Variants in MEDAG observed in about 807,000 individuals in gnomAD.
MEDAG encodes the protein mesenteric estrogen dependent adipogenesis.
MEDAG carries 25 observed loss-of-function variants against 29.9 expected under a neutral mutation model. The observed-to-expected ratio is 0.84, with a 90% CI of 0.61 to 1.17. The LOEUF (loss-of-function observed/expected upper bound fraction) is 1.17. Ranked by LOEUF, MEDAG falls within the 50% of genes most tolerant of loss-of-function variation. The pLI is 0.00. For synonymous variants in MEDAG, 158 were observed against 148.2 expected (o/e 1.07, Z -0.48); for missense variants, 398 against 372.9 (o/e 1.07, Z -0.56).
At chr13:30,924,162 T>G in intron 4 of MEDAG, 149 bp from the exon 5 acceptor site, 1 of 790,020 alleles carries the variant, frequency 1.3e-6, no homozygotes. Flanking sequence ...AAGCAACACA[T>G]TTCTGTTTAG....
Position 30,906,284 on chromosome 13 carries a change from G to GGT in MEDAG, c.-230_-229dup. 2.6e-6 allele frequency: 1 copy of GGT among 391,100 alleles called. No individual in the cohort carries two copies. The allele number at this position is 391,100 out of a possible 1,614,324, so 24.2% of individuals were successfully genotyped here. A position where few individuals can be genotyped will look rare whatever the true frequency, so the allele number is the denominator to read the frequency against. On this transcript the variant is annotated 5_prime_UTR_variant, in exon 1 of 5. Transcript: ENST00000380482. ...TGCGCCGGGGCCGCTTTCTCCGCGC[G>GGT]GTGCCTGCAGGGCTCCCAGCGAGTG...
chr13:30,906,427 G>A lies in MEDAG; in HGVS notation c.-89G>A. On this transcript the variant is annotated 5_prime_UTR_variant, in exon 1 of 5. Transcript: ENST00000380482. ...CGCGCGCGGCTGACGCAGGCAGGGC[G>A]CCCGGCCCCTCCTGGGGACCATCAG... 2 of 1,316,556 alleles carry A rather than the reference G, an allele frequency of 1.5e-6. No individual in the cohort carries two copies. The highest frequency in any genetic ancestry group is 2.1e-5 in the South Asian group (1 of 48,274). The allele number at this position is 1,316,556 out of a possible 1,614,324, so 81.6% of individuals were successfully genotyped here.
In MEDAG at chr13:30,906,400, C is replaced by A; in HGVS notation, c.-116C>A. On this transcript the variant is annotated 5_prime_UTR_variant, in exon 1 of 5. Coordinates refer to ENST00000380482, the MANE Select transcript of MEDAG (RefSeq NM_032849.4). ...GCGGGCAGACCGACCCCCTCCTCAC[C>A]TCGCGCGCGGCTGACGCAGGCAGGG... The A allele has an allele frequency of 8.5e-7, 1 of 1,180,680 alleles. No individual in the cohort carries two copies. Among genetic ancestry groups the A allele is most frequent in the South Asian group, 2.4e-5 (1 of 42,136 alleles). The allele number at this position is 1,180,680 out of a possible 1,614,324, so 73.1% of individuals were successfully genotyped here.
At chr13:30,906,866 G>A (rs1276489473) in intron 1 of MEDAG, 73 bp downstream of exon 1, 3 of 1,379,836 alleles carry the variant, frequency 2.2e-6, no homozygotes, top group African/African-American at 1.5e-5. Flanking sequence ...TGCGGTCTCT[G>A]GGAGCCTGGG....
In MEDAG at chr13:30,917,439, C is replaced by G. The variant is rs1184932153; in HGVS notation, c.315C>G (p.Asp105Glu). Residue 105 changes from aspartate (D) to glutamate (E), a missense_variant, in exon 2 of 5, where the codon GAC becomes GAG. Coordinates refer to ENST00000380482, the MANE Select transcript of MEDAG (RefSeq NM_032849.4). ...VELTNYCDYK[D>E]YRETILSKPM... is the part of the protein sequence containing the mutation. Reference sequence around the variant, plus strand: ...TGACCAACTACTGTGATTATAAAGACTACAGGGAAACTATATTGAGCAAAC... The same window carrying G: ...TGACCAACTACTGTGATTATAAAGAGTACAGGGAAACTATATTGAGCAAAC... 1 of 1,610,870 alleles carries G rather than the reference C, an allele frequency of 6.2e-7. No homozygotes were observed.
At position 30,921,575 on chromosome 13, in the gene MEDAG, G is replaced by A; in HGVS notation, c.516G>A (p.Glu172=). 1 of 1,605,658 alleles carries A rather than the reference G, an allele frequency of 6.2e-7. No individual in the cohort carries two copies. Among genetic ancestry groups the A allele is most frequent in the Non-Finnish European group, 8.5e-7 (1 of 1,177,198 alleles). Residue 172 remains glutamate (E), a synonymous_variant, in exon 4 of 5, where the codon GAG becomes GAA. Coordinates refer to ENST00000380482, the MANE Select transcript of MEDAG (RefSeq NM_032849.4). The part of the protein sequence containing the change: ...ESYRLQFDFQ[E]AVKNFFPPGN... ...CTCTCTTTCAGTTTGATTTTCAAGA[G>A]GCAGTGAAGAATTTCTTCCCCCCAG...
chr13:30,921,150 A>G (rs1952981281), intron 3 of MEDAG, 24 bp downstream of exon 3: 1 of 1,584,990 alleles, frequency 6.3e-7, no homozygotes, highest in Non-Finnish European at 8.6e-7. Flanking sequence ...GTCTGAATCC[A>G]GGGCTGTCAA....
Position 30,906,590 on chromosome 13 carries a change from G to A in MEDAG, c.75G>A (p.Leu25=). ...TSISSGELRS[L]WTCDCELALL... Reference sequence around the variant, plus strand: ...TCTCGTCTGGGGAGCTTCGCAGCCTGTGGACCTGCGACTGCGAGCTGGCCC... The same window carrying A: ...TCTCGTCTGGGGAGCTTCGCAGCCTATGGACCTGCGACTGCGAGCTGGCCC... The change falls in exon 1 of 5, where the codon CTG becomes CTA. Residue 25 remains leucine, a synonymous_variant. Transcript: ENST00000380482. 6.3e-6 allele frequency: 10 copies of A among 1,587,542 alleles called. No individual in the cohort carries two copies. Among genetic ancestry groups the A allele is most frequent in the Non-Finnish European group, 8.5e-6 (10 of 1,175,626 alleles).
intron 3 of MEDAG, 26 bp from the exon 4 acceptor site, chr13:30,921,535 C>A: frequency 1.9e-6 from 3 of 1,572,368 alleles, no homozygotes; most frequent in South Asian, 2.4e-5. Context: ...TCCATTAAGT[C>A]AATGCAATGT....
intron 2 of MEDAG, among the ~76,000 whole-genome samples, chr13:30,918,021 G>A (rs544720337): frequency 1.8e-4 from 28 of 152,252 alleles, no homozygotes; most frequent in African/African-American, 6.7e-4. Flanking sequence ...CCTGGTGGGT[G>A]AGGCCACCTG....
intron 1 of MEDAG, among the ~76,000 whole-genome samples, chr13:30,914,729 C>T (rs1172196903): frequency 2.0e-5 from 3 of 152,162 alleles, no homozygotes; most frequent in African/African-American, 7.2e-5. Context: ...AACCAGAGAT[C>T]ATTTGTAAGT....
chr13:30,914,107 A>C (rs535745275), intron 1 of MEDAG, among the ~76,000 whole-genome samples: 1 of 152,342 alleles, frequency 6.6e-6, no homozygotes, highest in East Asian at 1.9e-4. Context: ...ATAATCTAGT[A>C]AGGATAGTCT....
chr13:30,919,609 G>T (rs1050348937), intron 2 of MEDAG, among the ~76,000 whole-genome samples: 1 of 152,190 alleles, frequency 6.6e-6, no homozygotes, highest in African/African-American at 2.4e-5. Flanking sequence ...TAATTTTGGA[G>T]AAAGAAAAAC....
At position 30,921,596 on chromosome 13, in the gene MEDAG, C is replaced by G; in HGVS notation, c.537C>G (p.Pro179=). ...AAGAGGCAGTGAAGAATTTCTTCCC[C>G]CCAGGAAATGAAGTGGTTAATGGAG... The part of the protein sequence containing the change: ...DFQEAVKNFF[P]PGNEVVNGEN... Residue 179 remains proline (P), a synonymous_variant, in exon 4 of 5, where the codon CCC becomes CCG. Transcript: ENST00000380482. 1.2e-6 allele frequency: 2 copies of G among 1,607,640 alleles called. No homozygotes were observed. The highest frequency in any genetic ancestry group is 1.7e-6 in the Non-Finnish European group (2 of 1,178,342).
chr13:30,906,696 G>C lies in MEDAG; in HGVS notation c.181G>C (p.Gly61Arg), dbSNP rs760442815. ...CGACCAGCTCGTGGTGGCCAGGCCC[G>C]GGGAGCCGGCGGCGGCGCGGGGGGG... Reference protein sequence around the residue: ...SGDQLVVARPGEPAAARGGFN... With the variant: ...SGDQLVVARPREPAAARGGFN... Residue 61 changes from glycine (G) to arginine (R), a missense_variant, in exon 1 of 5, where the codon GGG (glycine) becomes CGG (arginine). Physicochemically the swap from Gly to Arg is moderately radical, Grantham distance 125. Transcript: ENST00000380482. The C allele has an allele frequency of 1.2e-4, 190 of 1,526,774 alleles. No homozygotes were observed. The highest frequency in any genetic ancestry group is 1.5e-4 in the Non-Finnish European group (172 of 1,145,876). 94.6% of individuals were successfully genotyped at this position (1,526,774 alleles called of 1,614,324 possible).
rs544386040 is a variant in MEDAG at position 30,919,177 on chromosome 13, T to C, written c.388+1665T>C. Among the ~76,000 whole-genome samples the C allele has an allele frequency of 5.3e-4, 73 of 137,416 alleles. No homozygotes were observed. The South Asian group carries it at 0.017, about 32-fold the overall frequency. The allele number at this position is 137,416 out of a possible 152,430, so 90.2% of individuals were successfully genotyped here. Reference sequence around the variant, plus strand: ...AATCCAGAAACCCAGTACTAGTTAATTGTGATAAAAGCCATAAAATGAAGA... The same window carrying C: ...AATCCAGAAACCCAGTACTAGTTAACTGTGATAAAAGCCATAAAATGAAGA... On this transcript the variant is annotated intron_variant, in intron 2 of 4. Transcript: ENST00000380482.
chr13:30,907,828 A>C (rs556373947), intron 1 of MEDAG, among the ~76,000 whole-genome samples: 1 of 152,372 alleles, frequency 6.6e-6, no homozygotes, highest in East Asian at 1.9e-4. Flanking sequence ...GGAAGCAAAC[A>C]AAATGAGATA....
intron 4 of MEDAG, among the ~76,000 whole-genome samples, chr13:30,923,467 T>C (rs745321520): frequency 6.6e-6 from 1 of 152,156 alleles, no homozygotes; most frequent in Non-Finnish European, 1.5e-5. Flanking sequence ...CTTTCCCCTC[T>C]CTTTCTCTGT....
At chr13:30,911,624 C>T (rs1424105119) in intron 1 of MEDAG, among the ~76,000 whole-genome samples, 1 of 152,158 alleles carries the variant, frequency 6.6e-6, no homozygotes, top group African/African-American at 2.4e-5. Flanking sequence ...ACCCCAGGCC[C>T]CTCCTGACTT....
Sources: gnomAD v4.1 joint callset for allele counts (sites outside exome capture counted in the v4.1 genomes callset) on GRCh38, gnomAD v4.1.1 for gene constraint, MANE v1.5 for transcripts, NCBI Gene and HGNC (gene_info 2026-07-23, HGNC 2026-07-21) for gene names.